ABCB5: variants seen among roughly 807,000 people sequenced by gnomAD.
ABCB5 encodes the protein ATP binding cassette subfamily B member 5, also known as ATP-binding cassette sub-family B member 5.
ABCB5 carries 155 observed loss-of-function variants against 144.2 expected under a neutral mutation model. That is an observed-to-expected ratio of 1.08 (90% CI 0.94 to 1.23). ABCB5 has a LOEUF of 1.23. ABCB5 is among the 50% of genes most tolerant of loss of function. The pLI, the probability that ABCB5 is intolerant of heterozygous loss-of-function variation, is 0.00. For missense variants in ABCB5, 1,830 were observed against 1,520.8 expected, an observed-to-expected ratio of 1.20 and a Z score of -3.38; for synonymous variants, 610 against 528.6, an observed-to-expected ratio of 1.15 and a Z score of -2.11.
chr7:20,669,233 C>T (rs1231751388), intron 14 of ABCB5, among the ~76,000 whole-genome samples: 19 of 143,296 alleles, frequency 1.3e-4, no homozygotes, highest in Non-Finnish European at 2.3e-4. Flanking sequence ...GTGTGCCCAG[C>T]GGCTCATTGG....
rs770339087 is a variant in ABCB5, at chr7:20,643,251, T to C, written c.382T>C (p.Trp128Arg). 6 of 1,613,678 alleles carry C rather than the reference T, an allele frequency of 3.7e-6. No homozygotes were observed. Among genetic ancestry groups the C allele is most frequent in the Non-Finnish European group, 5.1e-6 (6 of 1,179,802 alleles). ...LIFGYIQISLWIITAARQTKR... is the reference protein window; with the variant it reads ...LIFGYIQISLRIITAARQTKR... ...TTTTGGTTACATACAGATTTCCTTG[T>C]GGATTATAACTGCAGCACGACAGAC... Residue 128 changes from tryptophan (W) to arginine (R), a missense_variant, in exon 6 of 28, where the codon TGG (tryptophan) becomes CGG (arginine). By Grantham distance (101) the Trp-to-Arg change is moderately radical. Coordinates refer to ENST00000404938, the MANE Select transcript of ABCB5 (RefSeq NM_001163941.2).
At chr7:20,723,296 T>C (rs1781934067) in intron 21 of ABCB5, 77 bp downstream of exon 21, 1 of 1,389,948 alleles carries the variant, frequency 7.2e-7, no homozygotes, top group Non-Finnish European at 1.0e-6. Flanking sequence ...GTTAACTATA[T>C]GATGTGTTAA....
chr7:20,671,621 A>T (rs1785461670), intron 14 of ABCB5, among the ~76,000 whole-genome samples: 1 of 152,174 alleles, frequency 6.6e-6, no homozygotes, highest in South Asian at 2.1e-4. Flanking sequence ...TTATTTTGAG[A>T]CTCATCCATG....
chr7:20,742,770 G>T, intron 24 of ABCB5, 107 bp from the exon 25 acceptor site: 1 of 1,078,428 alleles, frequency 9.3e-7, no homozygotes, highest in African/African-American at 1.6e-5. Flanking sequence ...AAATTAAAAG[G>T]GCTCTGGAAA....
chr7:20,627,344 G>A lies in ABCB5; in HGVS notation c.108+733G>A, dbSNP rs546705626. Among the ~76,000 whole-genome samples the A allele has an allele frequency of 5.9e-5, 9 of 152,212 alleles. No individual in the cohort carries two copies. The South Asian group carries it at 1.7e-3, about 28-fold the overall frequency. Reference sequence around the variant, plus strand: ...AGGAGCAGATACTCTCTTAATGTCCGTAATGCTGAATGCAATGCTGTGGAA... The same window carrying A: ...AGGAGCAGATACTCTCTTAATGTCCATAATGCTGAATGCAATGCTGTGGAA... On this transcript the variant is annotated intron_variant, in intron 3 of 27. Coordinates refer to ENST00000404938, the MANE Select transcript of ABCB5 (RefSeq NM_001163941.2).
At position 20,704,776 on chromosome 7, in the gene ABCB5, T is replaced by A; in HGVS notation, c.2390T>A (p.Ile797Lys). ...AACAGCACAGGAGGCTTGACAACAA[T>A]ATTAGCCATAGATATAGCACAAATT... Reference protein sequence around the residue: ...KENSTGGLTTILAIDIAQIQG... With the variant: ...KENSTGGLTTKLAIDIAQIQG... Residue 797 changes from isoleucine (I) to lysine (K), a missense_variant, in exon 20 of 28, where the codon ATA becomes AAA. Ile to Lys is a moderately radical substitution (Grantham distance 102). Coordinates refer to ENST00000404938, the MANE Select transcript of ABCB5 (RefSeq NM_001163941.2). The A allele has an allele frequency of 6.2e-7, 1 of 1,613,722 alleles. No homozygotes were observed. Among genetic ancestry groups the A allele is most frequent in the South Asian group, 1.1e-5 (1 of 91,066 alleles).
At chr7:20,728,267 C>A in intron 22 of ABCB5, 48 bp from the exon 23 acceptor site, 1 of 1,592,618 alleles carries the variant, frequency 6.3e-7, no homozygotes, top group South Asian at 1.1e-5. Flanking sequence ...TTCAATTGAC[C>A]TTGCTATAAT....
Position 20,685,840 on chromosome 7 carries a change from A to G in ABCB5, c.2010+4A>G. The G allele has an allele frequency of 6.3e-7, 1 of 1,583,622 alleles. No homozygotes were observed. The highest frequency in any genetic ancestry group is 8.5e-7 in the Non-Finnish European group (1 of 1,170,334). ...GGAATCCACCCAATCTAAAGAGGTA[A>G]TGGCTCAGCGATCAACCAGTTTTTC... On this transcript the variant is annotated splice_donor_region_variant and intron_variant, in intron 16 of 27. Coordinates refer to ENST00000404938, the MANE Select transcript of ABCB5 (RefSeq NM_001163941.2).
intron 12 of ABCB5, among the ~76,000 whole-genome samples, chr7:20,650,947 T>C (rs1397978212): frequency 6.6e-6 from 1 of 152,166 alleles, no homozygotes; most frequent in African/African-American, 2.4e-5. Flanking sequence ...TAATTGGCAA[T>C]GGCACCACCC....
At chr7:20,675,581 T>C (rs1054290969) in intron 14 of ABCB5, among the ~76,000 whole-genome samples, 2 of 151,998 alleles carry the variant, frequency 1.3e-5, no homozygotes, top group African/African-American at 4.8e-5. Flanking sequence ...GTGGGAAAGC[T>C]TCATGACATT....
intron 16 of ABCB5, among the ~76,000 whole-genome samples, chr7:20,686,474 C>T (rs1020223091): frequency 1.3e-5 from 2 of 152,090 alleles, no homozygotes; most frequent in East Asian, 1.9e-4. Flanking sequence ...TTAACACGCC[C>T]GACACCTGCT....
intron 13 of ABCB5, among the ~76,000 whole-genome samples, chr7:20,652,510 C>T (rs1270603511): frequency 1.3e-5 from 2 of 152,104 alleles, no homozygotes; most frequent in African/African-American, 2.4e-5. Flanking sequence ...GTGGAGATTG[C>T]AGTGAGCTGA....
At chr7:20,742,740 C>T (rs1782600223) in intron 24 of ABCB5, 137 bp from the exon 25 acceptor site, 1 of 770,488 alleles carries the variant, frequency 1.3e-6, no homozygotes, top group African/African-American at 1.7e-5. Flanking sequence ...AACAGCTCTA[C>T]AGAGATGCAT....
intron 5 of ABCB5, among the ~76,000 whole-genome samples, chr7:20,640,670 G>A (rs1309928748): frequency 1.3e-5 from 2 of 152,220 alleles, no homozygotes; most frequent in South Asian, 4.2e-4. Flanking sequence ...TGTGCATCAG[G>A]CAAACCAAAT....
At chr7:20,668,512 G>T (rs1342667635) in intron 14 of ABCB5, among the ~76,000 whole-genome samples, 2 of 151,744 alleles carry the variant, frequency 1.3e-5, no homozygotes, top group African/African-American at 4.8e-5. Context: ...GAAGTGAGGA[G>T]CCCCTCCGTC....
intron 4 of ABCB5, 45 bp downstream of exon 4, chr7:20,628,883 A>G (rs1783969007): frequency 1.2e-5 from 19 of 1,599,726 alleles, no homozygotes; most frequent in Non-Finnish European, 1.6e-5. Flanking sequence ...ACACAAAAGC[A>G]TTGAATAAAG....
chr7:20,744,966 T>G (rs1388339844), intron 25 of ABCB5, among the ~76,000 whole-genome samples: 1 of 152,132 alleles, frequency 6.6e-6, no homozygotes, highest in East Asian at 1.9e-4. Context: ...GCTTTACATG[T>G]GGAGTACTGT....
intron 20 of ABCB5, among the ~76,000 whole-genome samples, chr7:20,705,197 G>T (rs928459770): frequency 5.9e-5 from 9 of 152,302 alleles, no homozygotes; most frequent in South Asian, 4.1e-4. Context: ...TAAGATTTTA[G>T]TTAAAATAAT....
intron 13 of ABCB5, among the ~76,000 whole-genome samples, chr7:20,657,923 T>C (rs959625696): frequency 2.0e-5 from 3 of 152,218 alleles, no homozygotes; most frequent in Non-Finnish European, 4.4e-5. Flanking sequence ...TCCTGGGCGC[T>C]AGAAGTTACC....
Sources: gnomAD v4.1 joint callset for allele counts (sites outside exome capture counted in the v4.1 genomes callset) on GRCh38, gnomAD v4.1.1 for gene constraint, MANE v1.5 for transcripts, NCBI Gene and HGNC (gene_info 2026-07-23, HGNC 2026-07-21) for gene names.